The following USP34 variants were observed in gnomAD, a reference collection of about 807,000 sequenced individuals.
USP34 encodes ubiquitin specific peptidase 34, also known as ubiquitin carboxyl-terminal hydrolase 34.
USP34 carries 70 observed loss-of-function variants against 460.3 expected under a neutral mutation model. That is an observed-to-expected ratio of 0.15 (90% CI 0.13 to 0.19). The LOEUF (loss-of-function observed/expected upper bound fraction) is 0.19, where lower values mean the gene tolerates loss of function less well. Ranked by LOEUF, USP34 falls within the 10% of genes least tolerant of loss-of-function variation. The pLI is 1.00. For missense variants in USP34, 3,985 were observed against 4,236.2 expected (o/e 0.94, Z 1.65); for synonymous variants, 1,647 against 1,405.3 (o/e 1.17, Z -3.85).
rs757054089 is a variant in USP34, at chr2:61,369,763, GA to G, written c.1251+557del. On this transcript the variant is annotated intron_variant, in intron 10 of 79. Coordinates refer to ENST00000398571, the MANE Select transcript of USP34 (RefSeq NM_014709.4). ...GAAATCTCCAGAATAAATTAAGAAA[GA>G]AAAAAAAAAAAGTCAAAGCCACATC... Among the ~76,000 whole-genome samples the G allele has an allele frequency of 1.3e-3, 140 of 110,574 alleles. 1 individual carries two copies. Among genetic ancestry groups the G allele is most frequent in the South Asian group, 3.1e-3 (11 of 3,558 alleles). 72.5% of individuals were successfully genotyped at this position (110,574 alleles called of 152,430 possible). A position where few individuals can be genotyped will look rare whatever the true frequency, so the allele number is the denominator to read the frequency against.
At chr2:61,206,713 C>T in intron 71 of USP34, 47 bp downstream of exon 71, 1 of 1,599,700 alleles carries the variant, frequency 6.3e-7, no homozygotes. Flanking sequence ...CCTTCTCTCT[C>T]TTTACTAGTA....
intron 16 of USP34, among the ~76,000 whole-genome samples, chr2:61,341,291 ACTTCT>A (rs1160974549): frequency 1.3e-5 from 2 of 152,172 alleles, no homozygotes; most frequent in Non-Finnish European, 2.9e-5. Context: ...ACATGTTTTC[ACTTCT>A]CTTGAGTAAA....
At chr2:61,369,357 T>C (rs1692538052) in intron 10 of USP34, among the ~76,000 whole-genome samples, 1 of 152,014 alleles carries the variant, frequency 6.6e-6, no homozygotes, top group African/African-American at 2.4e-5. Flanking sequence ...CAGAAAAGAC[T>C]CGGGGGGCCA....
At position 61,420,763 on chromosome 2, in the gene USP34, G is replaced by A; in HGVS notation, c.114C>T (p.Ile38=). The change falls in exon 2 of 80, where the codon ATC becomes ATT. Residue 38 remains isoleucine (I), a synonymous_variant. Transcript: ENST00000398571. ...KEHTLKIFTY[I]NSWTQRQCLC... is the part of the protein sequence containing the mutation. ...ATGCATACCTCTGTGTCCAGGAATT[G>A]ATATAAGTAAATATTTTGAGAGTAT... 1.2e-6 allele frequency: 2 copies of A among 1,610,236 alleles called. No individual in the cohort carries two copies. Among genetic ancestry groups the A allele is most frequent in the Non-Finnish European group, 1.7e-6 (2 of 1,177,960 alleles).
intron 3 of USP34, among the ~76,000 whole-genome samples, chr2:61,403,348 A>G (rs1208843014): frequency 6.6e-6 from 1 of 152,136 alleles, no homozygotes; most frequent in African/African-American, 2.4e-5. Context: ...ATATAGTTCT[A>G]TATCATTAAG....
chr2:61,314,057 C>T (rs1001547502), intron 25 of USP34, among the ~76,000 whole-genome samples: 1 of 151,778 alleles, frequency 6.6e-6, no homozygotes, highest in Admixed American at 6.6e-5. Flanking sequence ...CTGTATTACA[C>T]AGGTTATGTC....
intron 22 of USP34, 102 bp downstream of exon 22, chr2:61,319,071 A>T (rs1241715974): frequency 9.1e-6 from 11 of 1,214,468 alleles, no homozygotes; most frequent in South Asian, 3.5e-5. Flanking sequence ...TTGGCTACTT[A>T]AAAAAACTGT....
Position 61,376,634 on chromosome 2 carries a change from T to C in USP34, c.1076+1729A>G, listed in dbSNP as rs150072115. Among the ~76,000 whole-genome samples the C allele has an allele frequency of 3.4e-3, 517 of 152,196 alleles. 2 individuals are homozygous for C. Among genetic ancestry groups the C allele is most frequent in the African/African-American group, 0.011 (446 of 41,520 alleles). On this transcript the variant is annotated intron_variant, in intron 8 of 79. Coordinates refer to ENST00000398571, the MANE Select transcript of USP34 (RefSeq NM_014709.4). ...GGATGAAAATGAAAATCCAGAGCTG[T>C]AGGTTTATTTTGTTTGTTTTGGTTT...
chr2:61,344,866 C>T (rs1691716509), intron 15 of USP34, among the ~76,000 whole-genome samples: 2 of 151,982 alleles, frequency 1.3e-5, no homozygotes, highest in African/African-American at 4.8e-5. Flanking sequence ...TTTTGGTTGT[C>T]AAAACTGAGG....
At chr2:61,223,483 G>T in intron 62 of USP34, 187 bp from the exon 63 acceptor site, 1 of 575,100 alleles carries the variant, frequency 1.7e-6, no homozygotes, top group Non-Finnish European at 3.0e-6. Flanking sequence ...TTCCAGGATT[G>T]GTAAATGAAA....
chr2:61,268,725 A>T (rs936839583), intron 41 of USP34, among the ~76,000 whole-genome samples: 1 of 152,144 alleles, frequency 6.6e-6, no homozygotes, highest in Admixed American at 6.5e-5. Context: ...ACATTATGTA[A>T]ATAAGGTTTT....
intron 1 of USP34, among the ~76,000 whole-genome samples, chr2:61,425,338 T>C (rs1694480997): frequency 6.6e-6 from 1 of 152,166 alleles, no homozygotes; most frequent in African/African-American, 2.4e-5. Context: ...TGGTTTTAAC[T>C]GCGTATCACT....
chr2:61,322,649 C>T (rs1690962260), intron 21 of USP34, among the ~76,000 whole-genome samples: 1 of 152,120 alleles, frequency 6.6e-6, no homozygotes, highest in Non-Finnish European at 1.5e-5. Flanking sequence ...TGACAAAATA[C>T]AGAAAAATTC....
intron 6 of USP34, among the ~76,000 whole-genome samples, chr2:61,381,102 CAG>C (rs1015637362): frequency 6.6e-6 from 1 of 151,940 alleles, no homozygotes; most frequent in Non-Finnish European, 1.5e-5. Context: ...CTAGGAAAAC[CAG>C]AGACCTTTGT....
At chr2:61,302,435 A>AT (rs752309597) in intron 27 of USP34, among the ~76,000 whole-genome samples, 4 of 152,186 alleles carry the variant, frequency 2.6e-5, no homozygotes, top group South Asian at 4.1e-4. Context: ...CTTAAGCACA[A>AT]TTTTTTTATA....
chr2:61,377,278 CTAAAG>C (rs1692826426), intron 8 of USP34, among the ~76,000 whole-genome samples: 1 of 152,082 alleles, frequency 6.6e-6, no homozygotes, highest in Non-Finnish European at 1.5e-5. Flanking sequence ...TCAAGTTACA[CTAAAG>C]TATGACTCAC....
chr2:61,326,907 C>T (rs2103717461), intron 20 of USP34, among the ~76,000 whole-genome samples: 1 of 151,750 alleles, frequency 6.6e-6, no homozygotes, highest in South Asian at 2.1e-4. Flanking sequence ...CCTCAGCCTC[C>T]CGAGGAGCTG....
intron 41 of USP34, 49 bp from the exon 42 acceptor site, chr2:61,266,216 T>C: frequency 1.3e-6 from 2 of 1,523,850 alleles, no homozygotes; most frequent in Non-Finnish European, 1.8e-6. Context: ...ATTAATTACA[T>C]TCCAAATATA....
intron 8 of USP34, among the ~76,000 whole-genome samples, chr2:61,374,923 A>G (rs1433228781): frequency 6.6e-6 from 1 of 152,128 alleles, no homozygotes; most frequent in Admixed American, 6.6e-5. Context: ...AGAATATAGG[A>G]AACAGACAAC....
Sources: allele counts gnomAD v4.1 joint callset (sites outside exome capture counted in the v4.1 genomes callset), GRCh38; gene constraint gnomAD v4.1.1; transcripts MANE v1.5; gene names NCBI Gene and HGNC (gene_info 2026-07-23, HGNC 2026-07-21).